ELN: variants seen among roughly 807,000 people sequenced by gnomAD.
ELN encodes the protein tropoelastin.
In ELN, 65 loss-of-function variants were observed where a neutral mutation model predicts 105.8. That is an observed-to-expected ratio of 0.61 (90% CI 0.50 to 0.75). The LOEUF (loss-of-function observed/expected upper bound fraction) is 0.75. ELN is among the 30% of genes least tolerant of loss of function. The pLI is 0.00. For synonymous variants in ELN, 368 were observed against 389.2 expected, an observed-to-expected ratio of 0.95 and a Z score of 0.64; for missense variants, 882 against 969.4, an observed-to-expected ratio of 0.91 and a Z score of 1.20.
At chr7:74,029,256 GAGA>G (rs1788122552) in intron 1 of ELN, among the ~76,000 whole-genome samples, 1 of 152,214 alleles carries the variant, frequency 6.6e-6, no homozygotes, top group Admixed American at 6.5e-5. Context: ...AGGCGGGCTG[GAGA>G]AGGTGTCTGT....
In ELN at chr7:74,032,531, C is replaced by G. The variant is rs1411565234; in HGVS notation, c.83-2833C>G. On this transcript the variant is annotated intron_variant, in intron 1 of 32. Transcript: ENST00000252034. ...CTCTCACTTGCAGAGAGGCAGGAAT[C>G]CTTCGTAGCCCCTAAACCTTCTCCA... Among the ~76,000 whole-genome samples the G allele has an allele frequency of 4.6e-5, 7 of 152,346 alleles. No homozygotes were observed. In the East Asian group the frequency reaches 1.2e-3, roughly 25 times the overall value.
chr7:74,031,093 CG>C (rs782253459), intron 1 of ELN, among the ~76,000 whole-genome samples: 1 of 152,246 alleles, frequency 6.6e-6, no homozygotes, highest in Non-Finnish European at 1.5e-5. Context: ...CTGCCAAGAT[CG>C]GCTGGCCCCA....
At chr7:74,048,611 T>A (rs1232342255) in intron 15 of ELN, 55 bp downstream of exon 15, 28 of 1,607,990 alleles carry the variant, frequency 1.7e-5, no homozygotes, top group Non-Finnish European at 2.4e-5. Context: ...GCCTCTCCAT[T>A]CCCATTACTA....
At chr7:74,051,648 G>A in intron 15 of ELN, 102 bp from the exon 16 acceptor site, 2 of 1,372,370 alleles carry the variant, frequency 1.5e-6, no homozygotes, top group South Asian at 2.5e-5. Context: ...CCCATTCCTG[G>A]ATAAGATCAC....
chr7:74,033,027 T>C (rs1789044757), intron 1 of ELN, among the ~76,000 whole-genome samples: 1 of 152,254 alleles, frequency 6.6e-6, no homozygotes, highest in Non-Finnish European at 1.5e-5. Flanking sequence ...GAAGAGGACA[T>C]AGCCTATTAC....
In ELN at chr7:74,053,166, C is replaced by T. The variant is rs527708696; in HGVS notation, c.953C>T (p.Ala318Val). 6.2e-7 allele frequency: 1 copy of T among 1,614,170 alleles called. No homozygotes were observed. ...AACAATGCTTTTTCTTCCACAGGAG[C>T]TGCTGCAGGCTTAGTGCCTGGTGGG... The part of the protein sequence containing the change: ...AAAAKAAKYG[A>V]AAGLVPGGPG... Residue 318 changes from alanine to valine, a missense_variant, in exon 18 of 33, where the codon GCT (alanine) becomes GTT (valine). Transcript: ENST00000252034.
intron 11 of ELN, among the ~76,000 whole-genome samples, chr7:74,046,474 C>A (rs1554672257): frequency 6.6e-6 from 1 of 152,234 alleles, no homozygotes; most frequent in Non-Finnish European, 1.5e-5. Flanking sequence ...AAACTGGGGC[C>A]CAGGCCCCAG....
In ELN at chr7:74,051,964, C is replaced by G. The variant is rs147367888; in HGVS notation, c.930C>G (p.Ala310=). The G allele has an allele frequency of 2.2e-5, 36 of 1,613,544 alleles. No homozygotes were observed. The highest frequency in any genetic ancestry group is 6.7e-5 in the Admixed American group (4 of 60,026). Residue 310 remains alanine, a synonymous_variant, in exon 17 of 33, where the codon GCC becomes GCG. Coordinates refer to ENST00000252034, the MANE Select transcript of ELN (RefSeq NM_000501.4). The part of the protein sequence containing the change: ...TPAAAAAAAA[A]AKAAKYGAAA... ...CTGCAGCTGCAGCTGCAGCAGCAGCCGCTAAGGCAGCCAAGTATGGTGAGT... is the reference window on the plus strand; with the variant it reads ...CTGCAGCTGCAGCTGCAGCAGCAGCGGCTAAGGCAGCCAAGTATGGTGAGT...
intron 1 of ELN, among the ~76,000 whole-genome samples, chr7:74,033,950 C>T (rs571674821): frequency 3.6e-4 from 55 of 152,282 alleles, no homozygotes; most frequent in Non-Finnish European, 7.4e-4. Flanking sequence ...GTTGCCATGG[C>T]GATGGCTCAG....
At chr7:74,054,860 A>T (rs1794908533) in intron 19 of ELN, 91 bp downstream of exon 19, 1 of 1,463,518 alleles carries the variant, frequency 6.8e-7, no homozygotes, top group Admixed American at 1.7e-5. Flanking sequence ...CAGAGAAGGG[A>T]AGTGACTTGC....
Position 74,059,950 on chromosome 7 carries a change from T to A in ELN, c.1479T>A (p.Pro493=), listed in dbSNP as rs1554682909. 5 of 1,608,796 alleles carry A rather than the reference T, an allele frequency of 3.1e-6. No homozygotes were observed. The African/African-American group carries it at 6.7e-5, about 22-fold the overall frequency. ...TGGCTCCTGGTGTCGGTGTGGCTCC[T>A]GGAGTTGGCTTGGCTCCTGGAGTTG... is the stretch of plus-strand genomic sequence containing the variant. The part of the protein sequence containing the change: ...VGVAPGVGVA[P]GVGLAPGVGV... The change falls in exon 23 of 33, where the codon CCT becomes CCA. Residue 493 remains proline, a synonymous_variant. Coordinates refer to ENST00000252034, the MANE Select transcript of ELN (RefSeq NM_000501.4).
intron 17 of ELN, chr7:74,052,867 A>G: frequency 2.3e-6 from 1 of 440,644 alleles, no homozygotes; most frequent in Non-Finnish European, 4.1e-6. Flanking sequence ...GAGAGAAAGA[A>G]AGAAAGAGAG....
chr7:74,034,527 C>G, intron 1 of ELN, among the ~76,000 whole-genome samples: 1 of 152,112 alleles, frequency 6.6e-6, no homozygotes, highest in Admixed American at 6.5e-5. Flanking sequence ...GGGGAACATA[C>G]TGACACCCCA....
At chr7:74,038,143 A>C (rs1388342023) in intron 4 of ELN, 4 of 328,698 alleles carry the variant, frequency 1.2e-5, no homozygotes, top group Non-Finnish European at 2.4e-5. Context: ...TCAGCCCCAG[A>C]CTTCCCCTGA....
At chr7:74,055,057 G>A (rs1443845465) in intron 19 of ELN, among the ~76,000 whole-genome samples, 1 of 152,264 alleles carries the variant, frequency 6.6e-6, no homozygotes, top group African/African-American at 2.4e-5. Context: ...GCCTGGGGAT[G>A]TGGATTCTGC....
chr7:74,047,834 G>A, intron 13 of ELN, 118 bp downstream of exon 13: 1 of 1,441,722 alleles, frequency 6.9e-7, no homozygotes, highest in Non-Finnish European at 9.7e-7. Context: ...CAGGGTTGGG[G>A]TCTTGGAGTG....
In ELN at chr7:74,031,795, GAA is replaced by G. The variant is rs201992149; in HGVS notation, c.82+3528_82+3529del. Among the ~76,000 whole-genome samples the G allele has an allele frequency of 6.1e-4, 90 of 146,638 alleles. 1 individual carries two copies. The highest frequency in any genetic ancestry group is 1.9e-3 in the African/African-American group (76 of 39,574). ...ATATTTAAAAAGAAAGAAAAAGAAA[GAA>G]AGAGAGAGAGAGAGAGAGAAAGGAG... On this transcript the variant is annotated intron_variant, in intron 1 of 32. Coordinates refer to ENST00000252034, the MANE Select transcript of ELN (RefSeq NM_000501.4).
At chr7:74,033,138 A>G (rs531180036) in intron 1 of ELN, among the ~76,000 whole-genome samples, 5 of 152,342 alleles carry the variant, frequency 3.3e-5, no homozygotes, top group African/African-American at 9.6e-5. Flanking sequence ...AAAAAAGGAA[A>G]CCGATGTTCA....
At chr7:74,061,434 C>T (rs1796623542) in intron 26 of ELN, among the ~76,000 whole-genome samples, 1 of 151,650 alleles carries the variant, frequency 6.6e-6, no homozygotes, top group Non-Finnish European at 1.5e-5. Context: ...GGCAGATCAA[C>T]TGAGGTCGGG....
Sources: allele counts gnomAD v4.1 joint callset (sites outside exome capture counted in the v4.1 genomes callset), GRCh38; gene constraint gnomAD v4.1.1; transcripts MANE v1.5; gene names NCBI Gene and HGNC (gene_info 2026-07-23, HGNC 2026-07-21).